Variants in ACOX1 observed in about 807,000 individuals in gnomAD.
ACOX1 encodes acyl-CoA oxidase 1, also known as peroxisomal acyl-coenzyme A oxidase 1.
In ACOX1, 41 loss-of-function variants were observed where a neutral mutation model predicts 75.5. That is an observed-to-expected ratio of 0.54 (90% CI 0.42 to 0.70). The LOEUF is 0.70. ACOX1 is among the 30% of genes least tolerant of loss of function. The probability of loss-of-function intolerance (pLI) is 0.00; values close to 1 mark genes in which losing one functional copy is unlikely to be tolerated. For missense variants in ACOX1, 630 were observed against 837.5 expected, an observed-to-expected ratio of 0.75 and a Z score of 3.06; for synonymous variants, 303 against 298.8, an observed-to-expected ratio of 1.01 and a Z score of -0.15.
Position 75,945,193 on chromosome 17 carries a change from T to G in ACOX1, c.*1555A>C, listed in dbSNP as rs2065708635. 1 of 152,198 alleles carries G rather than the reference T, an allele frequency of 6.6e-6. No individual in the cohort carries two copies. The highest frequency in any genetic ancestry group is 6.5e-5 in the Admixed American group (1 of 15,278). The allele number at this position is 152,198 out of a possible 1,614,324, so 9.4% of individuals were successfully genotyped here. On this transcript the variant is annotated 3_prime_UTR_variant, in exon 14 of 14. Transcript: ENST00000293217. ...AACACCCTCAGATCCTGCCCAGATA[T>G]TCATCTGTGAACAAGGTATTTCAAC...
chr17:75,968,334 G>C (rs1172687213), intron 2 of ACOX1, among the ~76,000 whole-genome samples: 1 of 146,414 alleles, frequency 6.8e-6, no homozygotes, highest in Non-Finnish European at 1.5e-5. Flanking sequence ...TACTTGGGAG[G>C]CTGAGGCAGG....
chr17:75,955,395 C>G (rs1473114434), intron 6 of ACOX1, among the ~76,000 whole-genome samples, 171 bp downstream of exon 6: 1 of 152,082 alleles, frequency 6.6e-6, no homozygotes, highest in Non-Finnish European at 1.5e-5. Context: ...AGCTCCTGGG[C>G]TCAAGTCATC....
At chr17:75,953,425 G>A in intron 7 of ACOX1, 26 bp downstream of exon 7, 1 of 1,612,082 alleles carries the variant, frequency 6.2e-7, no homozygotes, top group Non-Finnish European at 8.5e-7. Context: ...CTTTGGTACT[G>A]AGCCCATCTA....
chr17:75,963,622 C>T (rs1051539729), intron 2 of ACOX1, among the ~76,000 whole-genome samples: 1 of 151,108 alleles, frequency 6.6e-6, no homozygotes, highest in African/African-American at 2.4e-5. Flanking sequence ...TCCTTGAACC[C>T]GGGAGGCGGA....
chr17:75,974,755 G>A (rs898453368), intron 2 of ACOX1, among the ~76,000 whole-genome samples: 1 of 152,066 alleles, frequency 6.6e-6, no homozygotes, highest in South Asian at 2.1e-4. Context: ...AATAGTAGCC[G>A]GGCGCGGTGG....
Position 75,979,038 on chromosome 17 carries a change from G to T in ACOX1, c.36C>A (p.Ala12=). ...NPDLRRERDS[A]SFNPELLTHI... ...GTGTAAGCAGCTCCGGGTTGAAGCT[G>T]GCGGAATCCCGCTCCCTGCGCAGGT... The change falls in exon 1 of 14, where the codon GCC becomes GCA. Residue 12 remains alanine, a synonymous_variant. Coordinates refer to ENST00000293217, the MANE Select transcript of ACOX1 (RefSeq NM_004035.7). 6.2e-7 allele frequency: 1 copy of T among 1,612,458 alleles called. No homozygotes were observed.
At chr17:75,970,108 CAG>C in intron 2 of ACOX1, among the ~76,000 whole-genome samples, 2 of 145,412 alleles carry the variant, frequency 1.4e-5, no homozygotes, top group Non-Finnish European at 3.0e-5. Context: ...TCACTTCAAC[CAG>C]GGGGAGGTGG....
At chr17:75,954,900 A>G (rs2065809941) in intron 6 of ACOX1, among the ~76,000 whole-genome samples, 1 of 140,242 alleles carries the variant, frequency 7.1e-6, no homozygotes, top group Non-Finnish European at 1.5e-5. Context: ...ACGGAGTCTC[A>G]CTCTGTTGCC....
intron 2 of ACOX1, among the ~76,000 whole-genome samples, chr17:75,975,170 T>C (rs2066036331): frequency 6.6e-6 from 1 of 152,100 alleles, no homozygotes; most frequent in Non-Finnish European, 1.5e-5. Context: ...TCTTTTTTTT[T>C]CTTTTTTGGA....
rs1056216820 is a variant in ACOX1 at position 75,943,172 on chromosome 17, A to C, written c.*3576T>G. ...ACCCGGGAGGTGAAGATTGCAGTGAAGTCGAGATCGCACCATTGCATTCCC... is the reference window on the plus strand; with the variant it reads ...ACCCGGGAGGTGAAGATTGCAGTGACGTCGAGATCGCACCATTGCATTCCC... On this transcript the variant is annotated 3_prime_UTR_variant, in exon 14 of 14. Coordinates refer to ENST00000293217, the MANE Select transcript of ACOX1 (RefSeq NM_004035.7). 13 of 150,406 alleles carry C rather than the reference A, an allele frequency of 8.6e-5. No homozygotes were observed. The highest frequency in any genetic ancestry group is 1.9e-4 in the Non-Finnish European group (13 of 67,778). 9.3% of individuals were successfully genotyped at this position (150,406 alleles called of 1,614,324 possible).
intron 2 of ACOX1, among the ~76,000 whole-genome samples, chr17:75,974,409 A>G (rs1016485171): frequency 6.6e-6 from 1 of 152,244 alleles, no homozygotes; most frequent in Non-Finnish European, 1.5e-5. Flanking sequence ...AATGAACATT[A>G]CTACGGATTA....
Position 75,950,099 on chromosome 17 carries a change from A to G in ACOX1, c.1299-202T>C, listed in dbSNP as rs1353320413. Reference sequence around the variant, plus strand: ...GCTGGGACTACAGGCACCTGCCACCATTCCTGGCTAATTTTTAATATTTTG... The same window carrying G: ...GCTGGGACTACAGGCACCTGCCACCGTTCCTGGCTAATTTTTAATATTTTG... On this transcript the variant is annotated intron_variant, in intron 9 of 13. Coordinates refer to ENST00000293217, the MANE Select transcript of ACOX1 (RefSeq NM_004035.7). The surrounding 1 kb of genome is among the most constrained non-coding windows in gnomAD (Gnocchi z 4.3). Among the ~76,000 whole-genome samples, 2 of 150,860 alleles carry G rather than the reference A, an allele frequency of 1.3e-5. No individual in the cohort carries two copies. The highest frequency in any genetic ancestry group is 3.9e-4 in the East Asian group (2 of 5,104).
In ACOX1 at chr17:75,978,823, A is replaced by C. The variant is rs757592515; in HGVS notation, c.110-130T>G. The C allele has an allele frequency of 5.6e-6, 9 of 1,600,584 alleles. No homozygotes were observed. The highest frequency in any genetic ancestry group is 3.4e-5 in the Admixed American group (2 of 59,380). ...ATGGCGATATCCCCCCACCAGGGAC[A>C]CAGGCTGTTCCTCGAAGTGGGGGTC... On this transcript the variant is annotated intron_variant, in intron 1 of 13. Transcript: ENST00000293217. The surrounding 1 kb of genome is among the most constrained non-coding windows in gnomAD (Gnocchi z 4.2).
At chr17:75,976,449 CAAG>C (rs746566717) in intron 2 of ACOX1, among the ~76,000 whole-genome samples, 16 of 152,058 alleles carry the variant, frequency 1.1e-4, no homozygotes, top group Non-Finnish European at 2.1e-4. Flanking sequence ...CCTGACGTTT[CAAG>C]AAGGAATAAA....
chr17:75,960,431 A>G lies in ACOX1; in HGVS notation c.270-56T>C. On this transcript the variant is annotated intron_variant, in intron 2 of 13. Transcript: ENST00000293217. This position sits in a 1 kb window ranked among gnomAD's most constrained non-coding sequence, Gnocchi z 4.4. Reference sequence around the variant, plus strand: ...AGAGAAGAGTCATCAGGTGTGAGAGAATCAGCAATTTAAATAGAGCAAGGG... The same window carrying G: ...AGAGAAGAGTCATCAGGTGTGAGAGGATCAGCAATTTAAATAGAGCAAGGG... 1 of 1,580,110 alleles carries G rather than the reference A, an allele frequency of 6.3e-7. No individual in the cohort carries two copies. Among genetic ancestry groups the G allele is most frequent in the East Asian group, 2.2e-5 (1 of 44,618 alleles).
At position 75,978,806 on chromosome 17, in the gene ACOX1, AT is replaced by A; in HGVS notation, c.110-114del. On this transcript the variant is annotated intron_variant, in intron 1 of 13. Transcript: ENST00000293217. The surrounding 1 kb of genome is among the most constrained non-coding windows in gnomAD (Gnocchi z 4.2). ...GCGGACACACCTGGGGAATGGCGAT[AT>A]CCCCCCACCAGGGACACAGGCTGTT... 1 of 1,604,150 alleles carries A rather than the reference AT, an allele frequency of 6.2e-7. No individual in the cohort carries two copies. Among genetic ancestry groups the A allele is most frequent in the South Asian group, 1.1e-5 (1 of 90,526 alleles).
chr17:75,956,951 CTCTCTCTCTCTCTCTCTCTCTA>C (rs55933623), intron 4 of ACOX1, among the ~76,000 whole-genome samples: 45 of 32,142 alleles, frequency 1.4e-3, no homozygotes, highest in South Asian at 3.2e-3. Flanking sequence ...CTCTCTCTCT[CTCTCTCTCTCTCTCTCTCTCTA>C]TATATATATA....
chr17:75,955,784 G>A (rs764036220), intron 5 of ACOX1, 44 bp downstream of exon 5: 29 of 1,613,744 alleles, frequency 1.8e-5, no homozygotes, highest in Non-Finnish European at 2.3e-5. Flanking sequence ...AGAAGAAAGT[G>A]CTCAGTTTCA....
chr17:75,941,981 C>T lies in ACOX1; in HGVS notation c.*4767G>A, dbSNP rs1457675541. The T allele has an allele frequency of 6.6e-6, 1 of 152,062 alleles. No individual in the cohort carries two copies. Among genetic ancestry groups the T allele is most frequent in the East Asian group, 1.9e-4 (1 of 5,200 alleles). The allele number at this position is 152,062 out of a possible 1,614,324, so 9.4% of individuals were successfully genotyped here. ...TGATCTTCCCAAGACAACCAATGAC[C>T]CACTTAAATTTAAGGCAAAAACACC... On this transcript the variant is annotated 3_prime_UTR_variant, in exon 14 of 14. Transcript: ENST00000293217.
Sources: gnomAD v4.1 joint callset for allele counts (sites outside exome capture counted in the v4.1 genomes callset) on GRCh38, gnomAD v4.1.1 for gene constraint, Gnocchi (gnomAD v3.1) non-coding constraint, MANE v1.5 for transcripts, NCBI Gene and HGNC (gene_info 2026-07-23, HGNC 2026-07-21) for gene names.